GANC: variants seen among roughly 807,000 people sequenced by gnomAD.
GANC encodes glucosidase alpha, neutral C, also known as neutral alpha-glucosidase C.
In GANC, 117 loss-of-function variants were observed where a neutral mutation model predicts 124.2. The ratio of observed to expected loss-of-function variants is 0.94; its 90% CI spans 0.81 to 1.10. The LOEUF is 1.10. Ranked by LOEUF, GANC falls within the 50% of genes least tolerant of loss-of-function variation. The pLI, the probability that GANC is intolerant of heterozygous loss-of-function variation, is 0.00. For missense variants in GANC, 1,140 were observed against 1,095.0 expected (o/e 1.04, Z -0.58); for synonymous variants, 377 against 376.8 (o/e 1.00, Z -0.01).
chr15:42,353,442 G>A lies in GANC; in HGVS notation c.*1303G>A, dbSNP rs956663469. ...ATTAGCAGTGATTTTGCCCTTCCCCGTAATGCTGTCCCACTTATAACTGTG... is the reference window on the plus strand; with the variant it reads ...ATTAGCAGTGATTTTGCCCTTCCCCATAATGCTGTCCCACTTATAACTGTG... On this transcript the variant is annotated 3_prime_UTR_variant, in exon 24 of 24. Transcript: ENST00000318010. 8.5e-6 allele frequency: 8 copies of A among 939,832 alleles called. No homozygotes were observed. Among genetic ancestry groups the A allele is most frequent in the Admixed American group, 6.2e-5 (1 of 16,186 alleles). The allele number at this position is 939,832 out of a possible 1,614,324, so 58.2% of individuals were successfully genotyped here.
chr15:42,306,631 T>A lies in GANC; in HGVS notation c.625+19T>A. ...GCTAATGGTAAAATTGAAACTGGTATAGTATTAAAACAGATCATTCTAAAA... is the reference window on the plus strand; with the variant it reads ...GCTAATGGTAAAATTGAAACTGGTAAAGTATTAAAACAGATCATTCTAAAA... On this transcript the variant is annotated intron_variant, in intron 7 of 23. Coordinates refer to ENST00000318010, the MANE Select transcript of GANC (RefSeq NM_198141.3). The A allele has an allele frequency of 6.5e-7, 1 of 1,541,392 alleles. No individual in the cohort carries two copies. Among genetic ancestry groups the A allele is most frequent in the Non-Finnish European group, 9.0e-7 (1 of 1,115,390 alleles).
chr15:42,340,023 G>T, intron 17 of GANC, 111 bp downstream of exon 17: 2 of 1,374,994 alleles, frequency 1.5e-6, no homozygotes, highest in Non-Finnish European at 2.0e-6. Context: ...GTGAAGAAAA[G>T]CTACATGTTT....
chr15:42,297,835 T>C (rs990657243), intron 6 of GANC, among the ~76,000 whole-genome samples, 179 bp downstream of exon 6: 1 of 41,378 alleles, frequency 2.4e-5, no homozygotes, highest in Non-Finnish European at 8.7e-5. Context: ...ATTCATTCAT[T>C]TATTCATTCA....
At chr15:42,282,605 C>T (rs2051744919) in intron 3 of GANC, among the ~76,000 whole-genome samples, 2 of 152,180 alleles carry the variant, frequency 1.3e-5, no homozygotes, top group South Asian at 2.1e-4. Context: ...CTGCCTGCCC[C>T]TACACCTTTA....
intron 10 of GANC, among the ~76,000 whole-genome samples, chr15:42,319,560 C>G (rs2412701): frequency 0.91 from 138,065 of 151,764 alleles, 64,156 homozygotes; most frequent in Non-Finnish European, 1. Context: ...GGGTCTTGCT[C>G]TGTTGCCCAG....
chr15:42,316,964 T>C (rs1295803421), intron 10 of GANC, among the ~76,000 whole-genome samples: 1 of 152,242 alleles, frequency 6.6e-6, no homozygotes, highest in Middle Eastern at 3.2e-3. Flanking sequence ...CAAAGAGTAA[T>C]ATTAAAAGCT....
At chr15:42,283,593 GTTTAT>G (rs2051755222) in intron 3 of GANC, 3 of 699,298 alleles carry the variant, frequency 4.3e-6, no homozygotes, top group Non-Finnish European at 7.8e-6. Context: ...TTGGCAACAC[GTTTAT>G]TTTCTTTTGC....
intron 23 of GANC, 74 bp from the exon 24 acceptor site, chr15:42,351,956 T>A (rs2052444837): frequency 5.1e-6 from 8 of 1,571,828 alleles, no homozygotes; most frequent in Non-Finnish European, 6.9e-6. Flanking sequence ...AGAAAACATT[T>A]CAGATTTGGA....
In GANC at chr15:42,353,219, G is replaced by C. The variant is rs2052473214; in HGVS notation, c.*1080G>C. 1.0e-6 allele frequency: 1 copy of C among 985,808 alleles called. No homozygotes were observed. The highest frequency in any genetic ancestry group is 1.2e-6 in the Non-Finnish European group (1 of 830,082). 61.1% of individuals were successfully genotyped at this position (985,808 alleles called of 1,614,324 possible). A position where few individuals can be genotyped will look rare whatever the true frequency, so the allele number is the denominator to read the frequency against. ...GCCTGCCACAGCATCTGTTTTAGCA[G>C]CCTCGACTCCTCAGCACTCCTCAGC... On this transcript the variant is annotated 3_prime_UTR_variant, in exon 24 of 24. Coordinates refer to ENST00000318010, the MANE Select transcript of GANC (RefSeq NM_198141.3).
Position 42,310,294 on chromosome 15 carries a change from C to T in GANC, c.734C>T (p.Ala245Val), listed in dbSNP as rs1428840099. 1.3e-6 allele frequency: 2 copies of T among 1,596,696 alleles called. No individual in the cohort carries two copies. Among genetic ancestry groups the T allele is most frequent in the Admixed American group, 1.7e-5 (1 of 58,104 alleles). The change falls in exon 9 of 24, where the codon GCT becomes GTT. Residue 245 changes from alanine (A) to valine (V), a missense_variant. Ala to Val is a moderately conservative substitution (Grantham distance 64). Transcript: ENST00000318010. ...HQLKNTGDGD[A>V]YRLYNLDVYG... ...TCTTTGTGTTTCAGTGATGGAGATG[C>T]TTACCGTCTTTATAACCTGGATGTC...
At chr15:42,314,584 A>G (rs114822208) in intron 10 of GANC, 536 of 173,030 alleles carry the variant, frequency 3.1e-3, no homozygotes, top group African/African-American at 0.012. Flanking sequence ...ACTTATACCT[A>G]TAGAATCAGT....
intron 16 of GANC, among the ~76,000 whole-genome samples, chr15:42,338,791 G>C (rs1310754737): frequency 6.8e-6 from 1 of 146,582 alleles, no homozygotes; most frequent in East Asian, 1.9e-4. Flanking sequence ...CTTCCTGACA[G>C]CTATCTTTTC....
At chr15:42,275,775 C>T (rs1275792588) in intron 1 of GANC, among the ~76,000 whole-genome samples, 3 of 152,174 alleles carry the variant, frequency 2.0e-5, no homozygotes, top group South Asian at 2.1e-4. Context: ...TCCCCTTCTA[C>T]GTCTGTTCTG....
intron 23 of GANC, 99 bp from the exon 24 acceptor site, chr15:42,351,931 T>G: frequency 6.8e-7 from 1 of 1,481,460 alleles, no homozygotes; most frequent in Admixed American, 2.1e-5. Context: ...GGGTATAAGG[T>G]TTTATGATAC....
intron 6 of GANC, 95 bp from the exon 7 acceptor site, chr15:42,306,451 C>A (rs2051996412): frequency 3.0e-6 from 3 of 986,190 alleles, no homozygotes; most frequent in Non-Finnish European, 3.0e-6. Context: ...CTTTCTCAGT[C>A]TTTTAAAAAA....
intron 10 of GANC, among the ~76,000 whole-genome samples, chr15:42,317,088 G>C (rs2052113060): frequency 6.6e-6 from 1 of 152,068 alleles, no homozygotes. Flanking sequence ...TACTGCTACA[G>C]TTTGTGCCTT....
intron 6 of GANC, among the ~76,000 whole-genome samples, chr15:42,300,525 T>C (rs961281237): frequency 6.6e-6 from 1 of 152,196 alleles, no homozygotes; most frequent in African/African-American, 2.4e-5. Context: ...TAGTCCATTG[T>C]GGAAGATGGT....
At chr15:42,286,282 A>G (rs959619228) in intron 3 of GANC, among the ~76,000 whole-genome samples, 1 of 152,194 alleles carries the variant, frequency 6.6e-6, no homozygotes, top group Non-Finnish European at 1.5e-5. Flanking sequence ...TTTAAAACTT[A>G]TCACAGAATG....
At position 42,321,851 on chromosome 15, in the gene GANC, A is replaced by G; in HGVS notation, c.1124A>G (p.Glu375Gly). ...YHQCRWNYED[E>G]QDVKAVDAGF... ...CAGTGCCGCTGGAACTATGAAGATG[A>G]GCAGGATGTAAAAGCAGTGGATGCA... is the stretch of plus-strand genomic sequence containing the variant. The change falls in exon 11 of 24, where the codon GAG (glutamate) becomes GGG (glycine). Residue 375 changes from glutamate (E) to glycine (G), a missense_variant. By Grantham distance (98) the Glu-to-Gly change is moderately conservative (BLOSUM62 -2). Transcript: ENST00000318010. 1 of 1,614,198 alleles carries G rather than the reference A, an allele frequency of 6.2e-7. No homozygotes were observed. The highest frequency in any genetic ancestry group is 8.5e-7 in the Non-Finnish European group (1 of 1,180,040).
Sources: gnomAD v4.1 joint callset for allele counts (sites outside exome capture counted in the v4.1 genomes callset) on GRCh38, gnomAD v4.1.1 for gene constraint, MANE v1.5 for transcripts, NCBI Gene and HGNC (gene_info 2026-07-23, HGNC 2026-07-21) for gene names.